The following SLC25A21 variants were observed in gnomAD, a reference collection of about 807,000 sequenced individuals.
The protein encoded by SLC25A21 is solute carrier family 25 member 21.
In SLC25A21, 47 loss-of-function variants were observed where a neutral mutation model predicts 43.8. The ratio of observed to expected loss-of-function variants is 1.07; its 90% CI spans 0.85 to 1.37. The LOEUF (loss-of-function observed/expected upper bound fraction) is 1.37, where lower values mean the gene tolerates loss of function less well. Among genes scored for constraint, SLC25A21 ranks in the 40% most tolerant of loss-of-function variants. The pLI, the probability that SLC25A21 is intolerant of heterozygous loss-of-function variation, is 0.00. For missense variants in SLC25A21, 352 were observed against 350.2 expected (o/e 1.00, Z -0.04); for synonymous variants, 131 against 121.3 (o/e 1.08, Z -0.52).
chr14:37,015,963 T>C (rs1484001795), intron 1 of SLC25A21, among the ~76,000 whole-genome samples: 1 of 150,690 alleles, frequency 6.6e-6, no homozygotes, highest in Non-Finnish European at 1.5e-5. Flanking sequence ...GATGAGTAGG[T>C]TGCGAAAATT....
At chr14:36,785,098 C>T (rs1195724973) in intron 3 of SLC25A21, among the ~76,000 whole-genome samples, 1 of 152,132 alleles carries the variant, frequency 6.6e-6, no homozygotes, top group Non-Finnish European at 1.5e-5. Context: ...TGTTTCTGTA[C>T]CCTCATAGAG....
chr14:36,993,485 C>A (rs1960306767), intron 1 of SLC25A21, among the ~76,000 whole-genome samples: 1 of 152,156 alleles, frequency 6.6e-6, no homozygotes, highest in Non-Finnish European at 1.5e-5. Flanking sequence ...AAGATGATCA[C>A]AACCAGTCAA....
intron 1 of SLC25A21, among the ~76,000 whole-genome samples, chr14:36,909,779 T>A (rs1448820204): frequency 1.3e-5 from 2 of 152,204 alleles, no homozygotes; most frequent in African/African-American, 4.8e-5. Context: ...TCCTGTAAAT[T>A]TTTATCAAAC....
intron 3 of SLC25A21, among the ~76,000 whole-genome samples, chr14:36,807,687 T>A (rs1397671266): frequency 6.6e-6 from 1 of 152,186 alleles, no homozygotes; most frequent in African/African-American, 2.4e-5. Flanking sequence ...GTAGACCCAC[T>A]AAGACACTGA....
chr14:36,791,800 G>A (rs1282802447), intron 3 of SLC25A21, among the ~76,000 whole-genome samples: 1 of 152,180 alleles, frequency 6.6e-6, no homozygotes, highest in Admixed American at 6.6e-5. Flanking sequence ...AGAAAATGAT[G>A]TGATATTTGA....
chr14:36,918,307 C>T (rs1891886852), intron 1 of SLC25A21, among the ~76,000 whole-genome samples: 1 of 152,168 alleles, frequency 6.6e-6, no homozygotes, highest in Non-Finnish European at 1.5e-5. Context: ...GGTCACCCAT[C>T]CCAGAATCAC....
intron 1 of SLC25A21, among the ~76,000 whole-genome samples, chr14:36,994,761 C>T (rs1295223244): frequency 6.6e-6 from 1 of 152,162 alleles, no homozygotes; most frequent in Non-Finnish European, 1.5e-5. Context: ...TCTTCCATCA[C>T]AGACTCACGA....
At chr14:36,832,967 G>T (rs1398849004) in intron 2 of SLC25A21, among the ~76,000 whole-genome samples, 2 of 151,950 alleles carry the variant, frequency 1.3e-5, no homozygotes, top group African/African-American at 4.8e-5. Context: ...ATTTCATTTT[G>T]CTTAAAATTG....
chr14:37,078,241 C>T (rs1195485470), intron 1 of SLC25A21, among the ~76,000 whole-genome samples: 1 of 151,982 alleles, frequency 6.6e-6, no homozygotes, highest in Non-Finnish European at 1.5e-5. Context: ...GAGAAAATGG[C>T]CTTTAAGGCA....
chr14:36,925,578 G>A (rs1892107507), intron 1 of SLC25A21, among the ~76,000 whole-genome samples: 1 of 152,168 alleles, frequency 6.6e-6, no homozygotes, highest in South Asian at 2.1e-4. Flanking sequence ...AAGCCACGGT[G>A]GCTCACACCT....
chr14:37,061,955 A>C (rs1961956857), intron 1 of SLC25A21, among the ~76,000 whole-genome samples: 1 of 152,184 alleles, frequency 6.6e-6, no homozygotes. Context: ...AAGTAGACTT[A>C]AAGCATCAGG....
rs374584715 is a variant in SLC25A21, at chr14:37,159,208, C to T, written c.70+13073G>A. 1.6e-4 allele frequency among the ~76,000 whole-genome samples: 9 copies of T among 56,086 alleles called. 2 individuals are homozygous for T. The highest frequency in any genetic ancestry group is 3.4e-4 in the African/African-American group (7 of 20,598). The allele number at this position is 56,086 out of a possible 152,430, so 36.8% of individuals were successfully genotyped here. On this transcript the variant is annotated intron_variant, in intron 1 of 9. Transcript: ENST00000331299. ...AATCCCTATCAAAAATTTGGCTTCA[C>T]GGAACAGAAAAAAAAAAATCTTAAA...
intron 1 of SLC25A21, among the ~76,000 whole-genome samples, chr14:36,930,401 G>A (rs1176779762): frequency 6.6e-6 from 1 of 152,078 alleles, no homozygotes; most frequent in East Asian, 1.9e-4. Flanking sequence ...AGTAATCTGG[G>A]AGTCATGGTA....
intron 1 of SLC25A21, among the ~76,000 whole-genome samples, chr14:36,923,304 T>C (rs1312472274): frequency 1.3e-5 from 2 of 152,126 alleles, no homozygotes; most frequent in Admixed American, 1.3e-4. Flanking sequence ...GACAAACATG[T>C]TCAAATACTG....
chr14:36,963,186 C>CT (rs1186474179), intron 1 of SLC25A21, among the ~76,000 whole-genome samples: 18 of 152,024 alleles, frequency 1.2e-4, no homozygotes, highest in East Asian at 1.2e-3. Flanking sequence ...AGTACATATC[C>CT]CCCCATAGTA....
At chr14:36,754,104 A>C (rs1328082630) in intron 3 of SLC25A21, among the ~76,000 whole-genome samples, 1 of 152,158 alleles carries the variant, frequency 6.6e-6, no homozygotes. Context: ...GGGTGCCCAG[A>C]TATTTGGTCA....
intron 1 of SLC25A21, among the ~76,000 whole-genome samples, chr14:36,894,853 T>C (rs1891190380): frequency 6.6e-6 from 1 of 152,318 alleles, no homozygotes; most frequent in Non-Finnish European, 1.5e-5. Context: ...TATTGATTTG[T>C]GTATGTTGAA....
At chr14:36,784,831 T>C (rs889003252) in intron 3 of SLC25A21, among the ~76,000 whole-genome samples, 1 of 152,204 alleles carries the variant, frequency 6.6e-6, no homozygotes, top group Admixed American at 6.5e-5. Flanking sequence ...AGGATTCCCA[T>C]TTTACAAATA....
intron 1 of SLC25A21, among the ~76,000 whole-genome samples, chr14:37,131,819 G>A (rs762460960): frequency 6.6e-5 from 10 of 152,062 alleles, no homozygotes; most frequent in Non-Finnish European, 1.3e-4. Context: ...GACCACTGGT[G>A]CATGCCACCA....
Sources: allele counts gnomAD v4.1 joint callset (sites outside exome capture counted in the v4.1 genomes callset), GRCh38; gene constraint gnomAD v4.1.1; transcripts MANE v1.5; gene names NCBI Gene and HGNC (gene_info 2026-07-23, HGNC 2026-07-21).